The following PCDH9 variants were observed in gnomAD, a reference collection of about 807,000 sequenced individuals.
The protein encoded by PCDH9 is protocadherin 9.
Under a neutral mutation model 70.6 loss-of-function variants are expected in PCDH9, and 24 were observed. That is an observed-to-expected ratio of 0.34 (90% CI 0.25 to 0.48). PCDH9 has a LOEUF of 0.48. Among genes scored for constraint, PCDH9 ranks in the 20% least tolerant of loss-of-function variants. The pLI is 0.99. For missense variants in PCDH9, 1,281 were observed against 1,503.6 expected, an observed-to-expected ratio of 0.85 and a Z score of 2.45; for synonymous variants, 562 against 558.5, an observed-to-expected ratio of 1.01 and a Z score of -0.09.
intron 3 of PCDH9, among the ~76,000 whole-genome samples, chr13:66,668,032 A>G (rs1566493234): frequency 6.6e-6 from 1 of 152,186 alleles, no homozygotes; most frequent in Non-Finnish European, 1.5e-5. Flanking sequence ...AATGAATAAA[A>G]TCCACTGAAT....
chr13:66,417,692 T>C (rs1317594707), intron 4 of PCDH9, among the ~76,000 whole-genome samples: 4 of 152,202 alleles, frequency 2.6e-5, no homozygotes, highest in African/African-American at 7.2e-5. Context: ...TTTTTAATGA[T>C]TGCCATCTAA....
At chr13:66,655,857 G>C (rs185030241) in intron 3 of PCDH9, among the ~76,000 whole-genome samples, 2 of 151,926 alleles carry the variant, frequency 1.3e-5, no homozygotes, top group Non-Finnish European at 2.9e-5. Context: ...TTTATTTTCC[G>C]CTGTTCTAGC....
chr13:66,939,395 C>T (rs947183247), intron 2 of PCDH9, among the ~76,000 whole-genome samples: 1 of 150,452 alleles, frequency 6.6e-6, no homozygotes, highest in South Asian at 2.1e-4. Context: ...TAATAAACTT[C>T]TAAGAAAGGT....
intron 2 of PCDH9, among the ~76,000 whole-genome samples, chr13:67,116,438 C>G (rs1566435203): frequency 2.0e-5 from 3 of 152,136 alleles, no homozygotes; most frequent in South Asian, 4.2e-4. Context: ...TTTATCCAGT[C>G]AGGAAGGAGG....
intron 4 of PCDH9, among the ~76,000 whole-genome samples, chr13:66,520,634 T>A (rs1370347123): frequency 6.6e-6 from 1 of 152,214 alleles, no homozygotes; most frequent in African/African-American, 2.4e-5. Flanking sequence ...AATCTTCAAA[T>A]CCTGTGTATT....
chr13:67,017,831 T>C (rs973764741), intron 2 of PCDH9, among the ~76,000 whole-genome samples: 4 of 152,116 alleles, frequency 2.6e-5, no homozygotes, highest in Admixed American at 2.6e-4. Context: ...TTTAAACATT[T>C]TTACTGTACA....
intron 4 of PCDH9, among the ~76,000 whole-genome samples, chr13:66,438,789 C>T (rs1957922878): frequency 6.6e-6 from 1 of 152,016 alleles, no homozygotes; most frequent in Non-Finnish European, 1.5e-5. Context: ...CCACTCTGGA[C>T]AATGATACAA....
At chr13:66,806,685 T>C (rs1282970273) in intron 3 of PCDH9, among the ~76,000 whole-genome samples, 2 of 152,176 alleles carry the variant, frequency 1.3e-5, no homozygotes, top group African/African-American at 4.8e-5. Context: ...TGAAGCACTT[T>C]ATCTCTCTAA....
intron 4 of PCDH9, among the ~76,000 whole-genome samples, chr13:66,392,463 T>C (rs530655760): frequency 9.9e-5 from 15 of 152,284 alleles, no homozygotes; most frequent in Admixed American, 3.3e-4. Context: ...ACTCATTGAA[T>C]TAAAAGTCAT....
intron 3 of PCDH9, among the ~76,000 whole-genome samples, chr13:66,884,362 C>T (rs1328978920): frequency 1.3e-5 from 2 of 152,220 alleles, no homozygotes; most frequent in East Asian, 3.9e-4. Context: ...ATTAGCACAT[C>T]GCTGTTAGGA....
chr13:67,007,845 T>C (rs1021953087), intron 2 of PCDH9, among the ~76,000 whole-genome samples: 2 of 152,168 alleles, frequency 1.3e-5, no homozygotes, highest in African/African-American at 4.8e-5. Context: ...GGTTGGGGTA[T>C]TCGTGAATAT....
chr13:67,128,848 A>G (rs530983512), intron 2 of PCDH9, among the ~76,000 whole-genome samples: 61 of 152,186 alleles, frequency 4.0e-4, no homozygotes, highest in African/African-American at 1.4e-3. Context: ...TATTCAAAGA[A>G]TTTTCAGTGG....
chr13:66,815,589 C>A (rs1355293870), intron 3 of PCDH9, among the ~76,000 whole-genome samples: 1 of 152,100 alleles, frequency 6.6e-6, no homozygotes, highest in African/African-American at 2.4e-5. Context: ...TACTACACAG[C>A]CATAAAGAGA....
At chr13:66,637,363 T>C (rs2077651885) in intron 3 of PCDH9, among the ~76,000 whole-genome samples, 3 of 152,196 alleles carry the variant, frequency 2.0e-5, no homozygotes, top group African/African-American at 7.2e-5. Flanking sequence ...GAACTTATGA[T>C]TTATGGAAAT....
intron 3 of PCDH9, among the ~76,000 whole-genome samples, chr13:66,850,554 T>A (rs571295528): frequency 6.6e-4 from 100 of 150,632 alleles, no homozygotes; most frequent in Admixed American, 7.3e-4. Context: ...ATTAGCAACA[T>A]AATAGGAAAA....
At chr13:66,659,159 T>A (rs1166472893) in intron 3 of PCDH9, among the ~76,000 whole-genome samples, 2 of 152,028 alleles carry the variant, frequency 1.3e-5, no homozygotes, top group Non-Finnish European at 2.9e-5. Context: ...ATAACAAAAA[T>A]ATATTAAATG....
intron 3 of PCDH9, among the ~76,000 whole-genome samples, chr13:66,733,606 C>A (rs1262181428): frequency 2.0e-5 from 3 of 151,288 alleles, no homozygotes; most frequent in Admixed American, 6.6e-5. Context: ...AAGTGGCATC[C>A]AAACATTTAT....
At chr13:66,467,344 C>T (rs1033740262) in intron 4 of PCDH9, among the ~76,000 whole-genome samples, 1 of 152,038 alleles carries the variant, frequency 6.6e-6, no homozygotes, top group Non-Finnish European at 1.5e-5. Flanking sequence ...AGACTGCTCC[C>T]GGTTTCCTGT....
intron 3 of PCDH9, among the ~76,000 whole-genome samples, chr13:66,729,594 C>T (rs545157220): frequency 6.6e-6 from 1 of 152,204 alleles, no homozygotes; most frequent in African/African-American, 2.4e-5. Flanking sequence ...TGTCTACCCT[C>T]ATCCCCAACT....
Sources: gnomAD v4.1 joint callset for allele counts (sites outside exome capture counted in the v4.1 genomes callset) on GRCh38, gnomAD v4.1.1 for gene constraint, MANE v1.5 for transcripts, NCBI Gene and HGNC (gene_info 2026-07-23, HGNC 2026-07-21) for gene names.